BUB1: variants seen among roughly 807,000 people sequenced by gnomAD.
The protein encoded by BUB1 is BUB1 mitotic checkpoint serine/threonine kinase, also known as mitotic checkpoint serine/threonine-protein kinase BUB1.
In BUB1, 84 loss-of-function variants were observed where a neutral mutation model predicts 135.2. That is an observed-to-expected ratio of 0.62 (90% CI 0.52 to 0.74). The LOEUF (loss-of-function observed/expected upper bound fraction) is 0.74, where lower values mean the gene tolerates loss of function less well. BUB1 is among the 30% of genes least tolerant of loss of function. The probability of loss-of-function intolerance (pLI) is 0.00; values close to 1 mark genes in which losing one functional copy is unlikely to be tolerated. For missense variants in BUB1, 1,162 were observed against 1,288.3 expected, an observed-to-expected ratio of 0.90 and a Z score of 1.50; for synonymous variants, 403 against 434.4, an observed-to-expected ratio of 0.93 and a Z score of 0.90.
intron 8 of BUB1, among the ~76,000 whole-genome samples, chr2:110,666,695 T>C (rs990277262): frequency 2.0e-5 from 3 of 152,054 alleles, no homozygotes; most frequent in Non-Finnish European, 4.4e-5. Context: ...AAGATTTTTG[T>C]AGCCATCATA....
Position 110,657,071 on chromosome 2 carries a change from C to T in BUB1, c.1663G>A (p.Glu555Lys), listed in dbSNP as rs746460291. The T allele has an allele frequency of 2.5e-6, 4 of 1,613,294 alleles. No individual in the cohort carries two copies. The African/African-American group carries it at 5.3e-5, about 22-fold the overall frequency. Residue 555 changes from glutamate (E) to lysine (K), a missense_variant, in exon 15 of 25, where the codon GAA becomes AAA. By Grantham distance (56) the Glu-to-Lys change is moderately conservative (BLOSUM62 1). Coordinates refer to ENST00000302759, the MANE Select transcript of BUB1 (RefSeq NM_004336.5). ...GAAGGAAGTCTGCTGACAGAGCGTTCTCCAAAGGTCCTGGCTCCTGTGGGT... is the reference window on the plus strand; with the variant it reads ...GAAGGAAGTCTGCTGACAGAGCGTTTTCCAAAGGTCCTGGCTCCTGTGGGT... ...NKPTGARTFG[E>K]RSVSRLPSKP...
At position 110,658,510 on chromosome 2, in the gene BUB1, C is replaced by T. The variant is rs1689993023; in HGVS notation, c.1416G>A (p.Met472Ile). 1 of 1,613,782 alleles carries T rather than the reference C, an allele frequency of 6.2e-7. No individual in the cohort carries two copies. Among genetic ancestry groups the T allele is most frequent in the African/African-American group, 1.3e-5 (1 of 75,010 alleles). The change falls in exon 13 of 25, where the codon ATG becomes ATA. Residue 472 changes from methionine to isoleucine, a missense_variant. Transcript: ENST00000302759. ...GAAGTGTAGGAGCCTGAAACATATTCATGATGAAACCTTAAAGAACAAAAA... is the reference window on the plus strand; with the variant it reads ...GAAGTGTAGGAGCCTGAAACATATTTATGATGAAACCTTAAAGAACAAAAA... The part of the protein sequence containing the change: ...VHTKEALGFI[M>I]NMFQAPTLPD...
chr2:110,655,847 G>A lies in BUB1; in HGVS notation c.1768C>T (p.Leu590=). The A allele has an allele frequency of 6.2e-7, 1 of 1,614,042 alleles. No homozygotes were observed. Among genetic ancestry groups the A allele is most frequent in the South Asian group, 1.1e-5 (1 of 91,078 alleles). ...TVWGIRCNKT[L]APSPKSPGDF... ...CCTGGGCTCTTAGGACTGGGTGCCA[G>A]GGTTTTGTTGCAGCGAATACCCCAT... Residue 590 remains leucine (L), a synonymous_variant, in exon 16 of 25, where the codon CTG becomes TTG. Coordinates refer to ENST00000302759, the MANE Select transcript of BUB1 (RefSeq NM_004336.5).
chr2:110,674,607 T>C (rs1574338101), intron 1 of BUB1, among the ~76,000 whole-genome samples: 1 of 152,180 alleles, frequency 6.6e-6, no homozygotes, highest in African/African-American at 2.4e-5. Flanking sequence ...CAGCCAGTGT[T>C]TTTCCATAAG....
rs1266746538 is a variant in BUB1, at chr2:110,641,749, T to C, written c.2518A>G (p.Arg840Gly). 1.2e-6 allele frequency: 2 copies of C among 1,610,944 alleles called. No individual in the cohort carries two copies. Among genetic ancestry groups the C allele is most frequent in the Non-Finnish European group, 1.7e-6 (2 of 1,179,966 alleles). ...EFYIGTQLME[R>G]LKPSMQHMFM... ...ATGTGCTGCATAGATGGCTTTAGTC[T>C]TTCCATCAACTGGGTCCCAATGTAG... is the stretch of plus-strand genomic sequence containing the variant. The change falls in exon 21 of 25, where the codon AGA becomes GGA. Residue 840 changes from arginine (R) to glycine (G), a missense_variant. Arg to Gly is a moderately radical substitution (Grantham distance 125, BLOSUM62 -2). Coordinates refer to ENST00000302759, the MANE Select transcript of BUB1 (RefSeq NM_004336.5).
chr2:110,650,154 C>T (rs191891586), intron 18 of BUB1, among the ~76,000 whole-genome samples: 17 of 122,864 alleles, frequency 1.4e-4, no homozygotes, highest in Non-Finnish European at 1.4e-4. Context: ...CATCTCCAGA[C>T]TCTGTGCTCT....
intron 8 of BUB1, 136 bp from the exon 9 acceptor site, chr2:110,666,550 G>A: frequency 3.3e-6 from 2 of 608,284 alleles, no homozygotes; most frequent in South Asian, 7.9e-5. Flanking sequence ...GGTTTTAGAA[G>A]TGAAACTTGT....
intron 20 of BUB1, 34 bp downstream of exon 20, chr2:110,642,085 C>CT (rs1257889495): frequency 6.8e-7 from 1 of 1,478,622 alleles, no homozygotes; most frequent in South Asian, 1.2e-5. Flanking sequence ...AAATTCATTT[C>CT]TATATCATAC....
chr2:110,676,691 A>G (rs558955702), intron 1 of BUB1: 15 of 152,342 alleles, frequency 9.8e-5, no homozygotes, highest in Admixed American at 4.6e-4. Flanking sequence ...GTTAGGCAAA[A>G]GAGCAGCGTA....
In BUB1 at chr2:110,658,659, A is replaced by T; in HGVS notation, c.1360T>A (p.Ser454Thr). Residue 454 changes from serine (S) to threonine (T), a missense_variant, in exon 12 of 25, where the codon TCC becomes ACC. Physicochemically the swap from Ser to Thr is moderately conservative, Grantham distance 58. Coordinates refer to ENST00000302759, the MANE Select transcript of BUB1 (RefSeq NM_004336.5). ...ACGGTGGGTGATGGCTGCACTTTGG[A>T]TGGCGTTGCCTGAACCATTCCCAGT... ...TSLGMVQATP[S>T]KVQPSPTVHT... 1 of 1,614,194 alleles carries T rather than the reference A, an allele frequency of 6.2e-7. No homozygotes were observed. Among genetic ancestry groups the T allele is most frequent in the Non-Finnish European group, 8.5e-7 (1 of 1,180,030 alleles).
chr2:110,666,507 G>A, intron 8 of BUB1, 93 bp from the exon 9 acceptor site: 1 of 1,032,954 alleles, frequency 9.7e-7, no homozygotes, highest in Non-Finnish European at 1.2e-6. Flanking sequence ...ATATTTTAGG[G>A]GGCCGATTTT....
chr2:110,671,478 T>G (rs1019789943), intron 4 of BUB1, among the ~76,000 whole-genome samples: 1 of 152,206 alleles, frequency 6.6e-6, no homozygotes, highest in Non-Finnish European at 1.5e-5. Context: ...TAAAAAAGCA[T>G]GAGTACTACA....
chr2:110,673,799 A>C (rs1174336019), intron 3 of BUB1, among the ~76,000 whole-genome samples: 1 of 152,056 alleles, frequency 6.6e-6, no homozygotes. Context: ...GGATTTTACC[A>C]CGTTGGCCAG....
At chr2:110,652,630 T>C (rs1222565715) in intron 17 of BUB1, among the ~76,000 whole-genome samples, 3 of 152,194 alleles carry the variant, frequency 2.0e-5, no homozygotes, top group African/African-American at 4.8e-5. Flanking sequence ...ATTCAGTGTT[T>C]GTGGTGACTC....
chr2:110,667,885 T>C (rs750084697), intron 6 of BUB1, 36 bp from the exon 7 acceptor site: 3 of 1,598,400 alleles, frequency 1.9e-6, no homozygotes, highest in African/African-American at 2.7e-5. Flanking sequence ...CATTCACTTA[T>C]CTGAGAAGAA....
At chr2:110,668,019 A>C (rs1690312267) in intron 6 of BUB1, among the ~76,000 whole-genome samples, 170 bp from the exon 7 acceptor site, 1 of 152,216 alleles carries the variant, frequency 6.6e-6, no homozygotes, top group African/African-American at 2.4e-5. Context: ...TTGTATCAAC[A>C]ACCTTACAAT....
Position 110,678,032 on chromosome 2 carries a change from A to G in BUB1, c.-37T>C. On this transcript the variant is annotated 5_prime_UTR_variant, in exon 1 of 25. Transcript: ENST00000302759. ...GCTGGCCGGCAGCGGCCAAACCTGA[A>G]CCGCAAACTAGAAGCCGCCGCCGAT... 1.3e-6 allele frequency: 2 copies of G among 1,587,534 alleles called. No homozygotes were observed. The highest frequency in any genetic ancestry group is 2.3e-5 in the South Asian group (2 of 87,782).
chr2:110,655,345 A>C (rs1438163509), intron 16 of BUB1, among the ~76,000 whole-genome samples: 1 of 152,208 alleles, frequency 6.6e-6, no homozygotes, highest in Non-Finnish European at 1.5e-5. Context: ...TTATTAAATT[A>C]GAAAATATAA....
chr2:110,662,952 A>C (rs1250624633), intron 9 of BUB1, among the ~76,000 whole-genome samples: 1 of 152,260 alleles, frequency 6.6e-6, no homozygotes, highest in Non-Finnish European at 1.5e-5. Context: ...GTAAAGATTA[A>C]AAATCATCAT....
Sources: allele counts gnomAD v4.1 joint callset (sites outside exome capture counted in the v4.1 genomes callset), GRCh38; gene constraint gnomAD v4.1.1; transcripts MANE v1.5; gene names NCBI Gene and HGNC (gene_info 2026-07-23, HGNC 2026-07-21).